LIMCH1: variants seen among roughly 807,000 people sequenced by gnomAD.
LIMCH1 encodes LIM and calponin homology domains-containing protein 1.
Under a neutral mutation model 176.5 loss-of-function variants are expected in LIMCH1, and 113 were observed. That is an observed-to-expected ratio of 0.64 (90% CI 0.55 to 0.75). The LOEUF (loss-of-function observed/expected upper bound fraction) is 0.75. Ranked by LOEUF, LIMCH1 falls within the 30% of genes least tolerant of loss-of-function variation. The pLI, the probability that LIMCH1 is intolerant of heterozygous loss-of-function variation, is 0.00. For missense variants in LIMCH1, 1,674 were observed against 1,814.9 expected, an observed-to-expected ratio of 0.92 and a Z score of 1.41; for synonymous variants, 619 against 645.9, an observed-to-expected ratio of 0.96 and a Z score of 0.63.
chr4:41,588,945 A>G (rs1015291208), intron 1 of LIMCH1, among the ~76,000 whole-genome samples: 1 of 152,202 alleles, frequency 6.6e-6, no homozygotes, highest in Non-Finnish European at 1.5e-5. Context: ...CAGTGGAGGC[A>G]AGAGATGGCT....
chr4:41,406,603 A>C (rs549344816), intron 1 of LIMCH1, among the ~76,000 whole-genome samples: 1 of 152,290 alleles, frequency 6.6e-6, no homozygotes, highest in South Asian at 2.1e-4. Flanking sequence ...TAATGGAAAA[A>C]AATTATTGAA....
intron 2 of LIMCH1, among the ~76,000 whole-genome samples, chr4:41,512,330 G>A (rs2075025186): frequency 6.6e-6 from 1 of 152,106 alleles, no homozygotes; most frequent in Admixed American, 6.6e-5. Context: ...AGCCATTTTG[G>A]AAAACAGTTT....
At chr4:41,470,562 C>G (rs2066803085) in intron 1 of LIMCH1, among the ~76,000 whole-genome samples, 1 of 152,190 alleles carries the variant, frequency 6.6e-6, no homozygotes, top group African/African-American at 2.4e-5. Context: ...TTTATCCACT[C>G]CAGTGTACAC....
intron 17 of LIMCH1, among the ~76,000 whole-genome samples, chr4:41,648,099 C>T (rs559554006): frequency 1.1e-4 from 16 of 152,188 alleles, no homozygotes; most frequent in Non-Finnish European, 2.2e-4. Flanking sequence ...AGTGGTCCAC[C>T]TAAGTGTTTC....
At chr4:41,513,450 C>T (rs770704162) in intron 2 of LIMCH1, among the ~76,000 whole-genome samples, 34 of 152,260 alleles carry the variant, frequency 2.2e-4, no homozygotes, top group Non-Finnish European at 3.2e-4. Context: ...ATTGTTTTCT[C>T]CTTGCCCCAT....
At chr4:41,496,497 G>A (rs540224214) in intron 2 of LIMCH1, among the ~76,000 whole-genome samples, 6 of 152,250 alleles carry the variant, frequency 3.9e-5, no homozygotes, top group East Asian at 3.9e-4. Context: ...GAGAAAGCTG[G>A]GTCAGGAGCC....
At chr4:41,546,303 T>A (rs2079384489) in intron 1 of LIMCH1, among the ~76,000 whole-genome samples, 1 of 151,896 alleles carries the variant, frequency 6.6e-6, no homozygotes, top group Admixed American at 6.6e-5. Context: ...CATGCCCAAC[T>A]AATTTTTGTA....
At chr4:41,419,165 T>G (rs1265924026) in intron 1 of LIMCH1, among the ~76,000 whole-genome samples, 1 of 84,374 alleles carries the variant, frequency 1.2e-5, no homozygotes, top group Non-Finnish European at 2.2e-5. Flanking sequence ...TTTATTTTAT[T>G]TCATTTTATT....
At chr4:41,432,845 A>T (rs1400865325) in intron 1 of LIMCH1, among the ~76,000 whole-genome samples, 2 of 152,230 alleles carry the variant, frequency 1.3e-5, no homozygotes, top group Non-Finnish European at 2.9e-5. Flanking sequence ...TTCTTTTTCA[A>T]GTAGGCAGTG....
intron 3 of LIMCH1, among the ~76,000 whole-genome samples, chr4:41,528,690 A>C (rs2076942267): frequency 6.6e-6 from 1 of 152,174 alleles, no homozygotes; most frequent in East Asian, 1.9e-4. Context: ...AGGGTTTTCT[A>C]TGCCTGGAAG....
intron 1 of LIMCH1, among the ~76,000 whole-genome samples, chr4:41,583,525 T>A (rs1174858145): frequency 6.6e-6 from 1 of 152,208 alleles, no homozygotes; most frequent in African/African-American, 2.4e-5. Context: ...GAAGCCAGTA[T>A]CCATGGAAAA....
intron 28 of LIMCH1, among the ~76,000 whole-genome samples, chr4:41,687,163 T>C (rs1201990461): frequency 6.6e-6 from 1 of 152,196 alleles, no homozygotes; most frequent in Non-Finnish European, 1.5e-5. Context: ...CTACCCCTTT[T>C]CTTTACAAAT....
At position 41,604,595 on chromosome 4, in the gene LIMCH1, AT is replaced by A. The variant is rs1417319708; in HGVS notation, c.-103+695del. On this transcript the variant is annotated intron_variant, in intron 3 of 31. Coordinates refer to ENST00000503057, the MANE Select transcript of LIMCH1 (RefSeq NM_001330672.2). ...CTTTATAAAACTAGAGGTATACGCCATTTTTCATCATAAAATTTTAAACAAA... is the reference window on the plus strand; with the variant it reads ...CTTTATAAAACTAGAGGTATACGCCATTTTCATCATAAAATTTTAAACAAA... Among the ~76,000 whole-genome samples the A allele has an allele frequency of 5.3e-5, 8 of 152,216 alleles. No homozygotes were observed. The East Asian group carries it at 1.4e-3, about 26-fold the overall frequency.
intron 1 of LIMCH1, among the ~76,000 whole-genome samples, chr4:41,578,291 G>C (rs567589383): frequency 1.2e-4 from 18 of 152,246 alleles, no homozygotes; most frequent in Non-Finnish European, 2.6e-4. Context: ...CAAACAACCA[G>C]ATCTCGTGAG....
In LIMCH1 at chr4:41,662,861, G is replaced by T. The variant is rs148257240; in HGVS notation, c.3168G>T (p.Pro1056=). ...HFTTTVTRCS[P]TVAFVEFPSS... is the part of the protein sequence containing the mutation. ...CAACAACTGTGACTCGATGCAGCCC[G>T]ACCGTGGCCTTTGTGGAATTTCCCT... Residue 1056 remains proline (P), a synonymous_variant, in exon 20 of 32, where the codon CCG becomes CCT. Transcript: ENST00000503057. 7.4e-6 allele frequency: 12 copies of T among 1,614,014 alleles called. No individual in the cohort carries two copies. The highest frequency in any genetic ancestry group is 1.0e-5 in the Non-Finnish European group (12 of 1,179,990).
At chr4:41,410,440 C>T (rs896871785) in intron 1 of LIMCH1, among the ~76,000 whole-genome samples, 9 of 152,158 alleles carry the variant, frequency 5.9e-5, no homozygotes, top group South Asian at 4.1e-4. Flanking sequence ...ATGTCATTGG[C>T]GTCGTAGGAA....
intron 1 of LIMCH1, among the ~76,000 whole-genome samples, chr4:41,489,786 A>C (rs2070411271): frequency 1.3e-5 from 2 of 152,110 alleles, no homozygotes. Context: ...TGAACAATGC[A>C]AGGTTCAGAG....
intron 1 of LIMCH1, among the ~76,000 whole-genome samples, chr4:41,374,818 AC>A: frequency 6.6e-6 from 1 of 152,008 alleles, no homozygotes; most frequent in East Asian, 1.9e-4. Flanking sequence ...GCCCTACCCC[AC>A]TTCAGAAGGT....
chr4:41,632,723 C>T (rs555154356), intron 10 of LIMCH1, 26 bp from the exon 11 acceptor site: 25 of 1,515,118 alleles, frequency 1.7e-5, no homozygotes, highest in Non-Finnish European at 2.0e-5. Context: ...CCTCTCTTGC[C>T]ACCAATGCTA....
Sources: gnomAD v4.1 joint callset for allele counts (sites outside exome capture counted in the v4.1 genomes callset) on GRCh38, gnomAD v4.1.1 for gene constraint, MANE v1.5 for transcripts, NCBI Gene and HGNC (gene_info 2026-07-23, HGNC 2026-07-21) for gene names.